Variants in SRC observed in about 807,000 individuals in gnomAD.
The protein encoded by SRC is proto-oncogene tyrosine-protein kinase Src.
SRC carries 13 observed loss-of-function variants against 62.9 expected under a neutral mutation model. The observed-to-expected ratio is 0.21, with a 90% confidence interval of 0.13 to 0.33. The LOEUF (loss-of-function observed/expected upper bound fraction) is 0.33. Among genes scored for constraint, SRC ranks in the 10% least tolerant of loss-of-function variants. SRC has a pLI of 1.00. For synonymous variants in SRC, 302 were observed against 317.5 expected, an observed-to-expected ratio of 0.95 and a Z score of 0.52; for missense variants, 457 against 737.3, an observed-to-expected ratio of 0.62 and a Z score of 4.40.
intron 2 of SRC, among the ~76,000 whole-genome samples, chr20:37,368,840 C>A (rs1180589199): frequency 1.3e-5 from 2 of 151,930 alleles, no homozygotes; most frequent in African/African-American, 4.8e-5. Flanking sequence ...CGTGAGCCAC[C>A]GCGCCCGGCT....
chr20:37,385,854 G>GA (rs1278242086), intron 4 of SRC, among the ~76,000 whole-genome samples: 1 of 152,266 alleles, frequency 6.6e-6, no homozygotes, highest in African/African-American at 2.4e-5. Flanking sequence ...ACGCGGACAG[G>GA]AAGGGATGCT....
chr20:37,401,695 C>A lies in SRC; in HGVS notation c.1116+17C>A, dbSNP rs367571916. The stretch of plus-strand genomic sequence containing the variant: ...GCTGCTCAGGTGAGTCAGCCCCTCC[C>A]GCCTCCCCACACCCTTGGTCCTCAA... On this transcript the variant is annotated intron_variant, in intron 11 of 13. Transcript: ENST00000373578. 1.5e-4 allele frequency: 241 copies of A among 1,597,920 alleles called. 1 individual carries two copies. In the East Asian group the frequency reaches 2.9e-3, roughly 19 times the overall value.
intron 2 of SRC, among the ~76,000 whole-genome samples, chr20:37,368,657 A>G (rs2070113629): frequency 7.4e-6 from 1 of 134,286 alleles, no homozygotes; most frequent in East Asian, 2.3e-4. Flanking sequence ...GGTTCACGCC[A>G]TTCTCCTGCC....
At chr20:37,346,821 C>A (rs1366031876) in intron 1 of SRC, among the ~76,000 whole-genome samples, 1 of 152,232 alleles carries the variant, frequency 6.6e-6, no homozygotes, top group African/African-American at 2.4e-5. Flanking sequence ...TTTGGTCTCC[C>A]CTGCCCACAG....
At chr20:37,364,589 G>A (rs1219045519) in intron 1 of SRC, among the ~76,000 whole-genome samples, 1 of 152,110 alleles carries the variant, frequency 6.6e-6, no homozygotes, top group Non-Finnish European at 1.5e-5. Flanking sequence ...TTCAGAAATT[G>A]GGAACCTGCT....
In SRC at chr20:37,403,148, C is replaced by T. The variant is rs1002800222; in HGVS notation, c.1403-23C>T. ...CACTTTCCTCACCGGAGCCGGGCTCCCCATGCCTCGCTCTGCCCACAGGGA... is the reference window on the plus strand; with the variant it reads ...CACTTTCCTCACCGGAGCCGGGCTCTCCATGCCTCGCTCTGCCCACAGGGA... On this transcript the variant is annotated intron_variant, in intron 13 of 13. Transcript: ENST00000373578. The surrounding 1 kb of genome is among the most constrained non-coding windows in gnomAD (Gnocchi z 7.1). 3 of 1,518,310 alleles carry T rather than the reference C, an allele frequency of 2.0e-6. No individual in the cohort carries two copies. The African/African-American group carries it at 4.1e-5, about 21-fold the overall frequency. 94.1% of individuals were successfully genotyped at this position (1,518,310 alleles called of 1,614,324 possible).
intron 5 of SRC, among the ~76,000 whole-genome samples, chr20:37,393,107 C>T (rs2070579946): frequency 6.6e-6 from 1 of 152,216 alleles, no homozygotes; most frequent in African/African-American, 2.4e-5. Context: ...ACCCCCCACT[C>T]CTTCTCCTCA....
chr20:37,396,249 G>C lies in SRC; in HGVS notation c.641G>C (p.Gly214Ala). 2 of 1,613,986 alleles carry C rather than the reference G, an allele frequency of 1.2e-6. No homozygotes were observed. Among genetic ancestry groups the C allele is most frequent in the Non-Finnish European group, 1.7e-6 (2 of 1,179,998 alleles). ...HYKIRKLDSG[G>A]FYITSRTQFN... ...AAGATCCGCAAGCTGGACAGCGGCG[G>C]CTTCTACATCACCTCCCGCACCCAG... Residue 214 changes from glycine (G) to alanine (A), a missense_variant, in exon 8 of 14, where the codon GGC becomes GCC. Physicochemically the swap from Gly to Ala is moderately conservative, Grantham distance 60. This residue lies in a region of SRC where 141 missense variants were observed against 198.4 expected (regional missense o/e 0.71). Coordinates refer to ENST00000373578, the MANE Select transcript of SRC (RefSeq NM_198291.3). This position sits in a 1 kb window ranked among gnomAD's most constrained non-coding sequence, Gnocchi z 6.1.
chr20:37,368,587 C>G (rs1429840806), intron 2 of SRC, among the ~76,000 whole-genome samples: 2 of 98,382 alleles, frequency 2.0e-5, no homozygotes, highest in Non-Finnish European at 3.6e-5. Flanking sequence ...GAGTCTCGCT[C>G]TGTCGCCCAG....
intron 1 of SRC, among the ~76,000 whole-genome samples, chr20:37,347,401 C>T (rs554993801): frequency 7.2e-5 from 11 of 152,304 alleles, no homozygotes; most frequent in Middle Eastern, 3.4e-3. Flanking sequence ...AGAGACTGCC[C>T]CTCTAAGTCC....
intron 5 of SRC, among the ~76,000 whole-genome samples, chr20:37,389,356 G>C (rs1421277393): frequency 6.6e-6 from 1 of 152,156 alleles, no homozygotes; most frequent in East Asian, 1.9e-4. Flanking sequence ...AGGCGCTTCT[G>C]GGCAACAGCG....
chr20:37,400,938 A>G (rs932801693), intron 10 of SRC, among the ~76,000 whole-genome samples: 9 of 152,254 alleles, frequency 5.9e-5, no homozygotes, highest in Admixed American at 3.9e-4. Flanking sequence ...TGTTTATTCT[A>G]GAATTTCATA....
rs1249510773 is a variant in SRC at position 37,384,982 on chromosome 20, C to T, written c.250+579C>T. ...CAGACCCGTTCACTCTCCCCACAGG[C>T]ACACGCTGGGCCACACACACGGCTA... On this transcript the variant is annotated intron_variant, in intron 4 of 13. Coordinates refer to ENST00000373578, the MANE Select transcript of SRC (RefSeq NM_198291.3). This position sits in a 1 kb window ranked among gnomAD's most constrained non-coding sequence, Gnocchi z 6.7. Among the ~76,000 whole-genome samples the T allele has an allele frequency of 6.6e-6, 1 of 152,226 alleles. No homozygotes were observed. Among genetic ancestry groups the T allele is most frequent in the Non-Finnish European group, 1.5e-5 (1 of 68,032 alleles).
At chr20:37,354,815 G>A (rs1202986695) in intron 1 of SRC, among the ~76,000 whole-genome samples, 1 of 152,200 alleles carries the variant, frequency 6.6e-6, no homozygotes, top group Non-Finnish European at 1.5e-5. Context: ...TGCCCCGGGT[G>A]GTGGCTTCTC....
intron 1 of SRC, among the ~76,000 whole-genome samples, chr20:37,354,220 T>C (rs1308894886): frequency 6.6e-6 from 1 of 152,208 alleles, no homozygotes; most frequent in Non-Finnish European, 1.5e-5. Context: ...GCCTAGAACC[T>C]GAGAAGGGAC....
Position 37,396,564 on chromosome 20 carries a change from C to A in SRC, c.703+253C>A. The A allele has an allele frequency of 1.8e-6, 1 of 557,834 alleles. No homozygotes were observed. Among genetic ancestry groups the A allele is most frequent in the Admixed American group, 3.1e-5 (1 of 31,806 alleles). The allele number at this position is 557,834 out of a possible 1,614,324, so 34.6% of individuals were successfully genotyped here. On this transcript the variant is annotated intron_variant, in intron 8 of 13. Coordinates refer to ENST00000373578, the MANE Select transcript of SRC (RefSeq NM_198291.3). The surrounding 1 kb of genome is among the most constrained non-coding windows in gnomAD (Gnocchi z 6.1). ...GCTCCACGCAGTGTCCCACTGCCCG[C>A]CTTTCTCTGCAGCTGGCTGGTATGG...
chr20:37,353,953 G>A (rs956228157), intron 1 of SRC, among the ~76,000 whole-genome samples: 1 of 152,226 alleles, frequency 6.6e-6, no homozygotes, highest in African/African-American at 2.4e-5. Context: ...TGAGCCTAGT[G>A]GTAGAACCCA....
In SRC at chr20:37,405,748, A is replaced by G. The variant is rs1462427720; in HGVS notation, c.*2369A>G. On this transcript the variant is annotated 3_prime_UTR_variant, in exon 14 of 14. Transcript: ENST00000373578. ...GGGTGGGGCTGTCAAGCCTGCCTAG[A>G]GGAGATCACAAATACACGACGAGAA... The G allele has an allele frequency of 6.5e-6, 1 of 152,788 alleles. No homozygotes were observed. Among genetic ancestry groups the G allele is most frequent in the African/African-American group, 2.4e-5 (1 of 41,420 alleles). The allele number at this position is 152,788 out of a possible 1,614,324, so 9.5% of individuals were successfully genotyped here. A position where few individuals can be genotyped will look rare whatever the true frequency, so the allele number is the denominator to read the frequency against.
chr20:37,373,273 C>T (rs1318006415), intron 2 of SRC, among the ~76,000 whole-genome samples: 1 of 123,858 alleles, frequency 8.1e-6, no homozygotes, highest in Admixed American at 7.7e-5. Context: ...CATACGCACA[C>T]ACACACACAC....
Sources: gnomAD v4.1 joint callset for allele counts (sites outside exome capture counted in the v4.1 genomes callset) on GRCh38, gnomAD v4.1.1 for gene constraint, gnomAD v4.1.1 regional missense constraint, Gnocchi (gnomAD v3.1) non-coding constraint, MANE v1.5 for transcripts, NCBI Gene and HGNC (gene_info 2026-07-23, HGNC 2026-07-21) for gene names.